The following DGKH variants were observed in gnomAD, a reference collection of about 807,000 sequenced individuals.
The protein encoded by DGKH is diacylglycerol kinase eta, also known as DAG kinase eta.
DGKH carries 90 observed loss-of-function variants against 159.3 expected under a neutral mutation model. The observed-to-expected ratio is 0.57, with a 90% CI of 0.48 to 0.67. DGKH has a LOEUF of 0.67. Among genes scored for constraint, DGKH ranks in the 30% least tolerant of loss-of-function variants. The pLI is 0.00. For missense variants in DGKH, 1,181 were observed against 1,506.1 expected, an observed-to-expected ratio of 0.78 and a Z score of 3.57; for synonymous variants, 536 against 553.8, an observed-to-expected ratio of 0.97 and a Z score of 0.45.
rs552799336 is a variant in DGKH at position 42,079,179 on chromosome 13, G to A, written c.192+30214G>A. 3.3e-5 allele frequency among the ~76,000 whole-genome samples: 5 copies of A among 152,142 alleles called. No homozygotes were observed. The South Asian group carries it at 1.0e-3, about 32-fold the overall frequency. On this transcript the variant is annotated intron_variant, in intron 1 of 29. Transcript: ENST00000337343. ...GATCCACCTGCCTCGGTCTCCCAAA[G>A]TGCTGGGATTACAGGCGTGAGCCAC... is the stretch of plus-strand genomic sequence containing the variant.
At chr13:42,154,241 T>C (rs922069693) in intron 3 of DGKH, among the ~76,000 whole-genome samples, 7 of 152,224 alleles carry the variant, frequency 4.6e-5, no homozygotes, top group African/African-American at 1.7e-4. Flanking sequence ...AAAATTCTTA[T>C]TTGGTATATA....
chr13:42,146,993 T>C (rs2137913385), intron 3 of DGKH, among the ~76,000 whole-genome samples: 1 of 152,240 alleles, frequency 6.6e-6, no homozygotes, highest in East Asian at 1.9e-4. Flanking sequence ...CCTTAGACAC[T>C]GTCAGGATGT....
chr13:42,196,460 C>T (rs1269454412), intron 17 of DGKH, among the ~76,000 whole-genome samples: 1 of 152,116 alleles, frequency 6.6e-6, no homozygotes. Context: ...ATATTATCTA[C>T]CCATTAAAAA....
chr13:42,197,309 G>A (rs1566181517), intron 17 of DGKH, among the ~76,000 whole-genome samples: 1 of 120,850 alleles, frequency 8.3e-6, no homozygotes, highest in Non-Finnish European at 1.9e-5. Flanking sequence ...GGCAGCTGGA[G>A]TGTGGCTCTC....
Position 42,250,595 on chromosome 13 carries a change from C to A in DGKH, n.4055-1814C>A, listed in dbSNP as rs192632021. On this transcript the variant is annotated intron_variant and non_coding_transcript_variant, in intron 29 of 30. Coordinates refer to the DGKH transcript ENST00000498255. ...CAAACTGGGGACTCTTACTACAGTGCAGTCACATTATAAATTAATAACAAA... is the reference window on the plus strand; with the variant it reads ...CAAACTGGGGACTCTTACTACAGTGAAGTCACATTATAAATTAATAACAAA... Among the ~76,000 whole-genome samples, 271 of 152,270 alleles carry A rather than the reference C, an allele frequency of 1.8e-3. 1 individual carries two copies. Among genetic ancestry groups the A allele is most frequent in the African/African-American group, 6.1e-3 (253 of 41,538 alleles).
intron 16 of DGKH, among the ~76,000 whole-genome samples, chr13:42,192,560 TTCC>T (rs989983956): frequency 4.7e-5 from 7 of 147,712 alleles, no homozygotes; most frequent in Non-Finnish European, 1.0e-4. Context: ...TCCTCCTCCC[TTCC>T]TCCTCCTCCT....
intron 1 of DGKH, among the ~76,000 whole-genome samples, chr13:42,059,076 G>A (rs139183785): frequency 3.7e-4 from 56 of 152,208 alleles, no homozygotes; most frequent in African/African-American, 1.3e-3. Context: ...TACCTTGTAA[G>A]GTAGTAATGG....
chr13:42,183,498 A>G (rs1400241446), intron 13 of DGKH, among the ~76,000 whole-genome samples: 1 of 152,174 alleles, frequency 6.6e-6, no homozygotes, highest in Non-Finnish European at 1.5e-5. Context: ...TGTGAATGTT[A>G]TTTATTTATT....
intron 29 of DGKH, among the ~76,000 whole-genome samples, chr13:42,251,964 C>T (rs935616514): frequency 6.6e-6 from 1 of 152,176 alleles, no homozygotes; most frequent in African/African-American, 2.4e-5. Context: ...AAGTTTGGTT[C>T]CTAGCTGGTC....
intron 13 of DGKH, among the ~76,000 whole-genome samples, chr13:42,179,486 A>T (rs1956692681): frequency 6.6e-6 from 1 of 152,218 alleles, no homozygotes. Flanking sequence ...GTAAGATTGT[A>T]TTTGAACCAG....
At chr13:42,169,264 A>G (rs1956386465) in intron 11 of DGKH, among the ~76,000 whole-genome samples, 1 of 152,210 alleles carries the variant, frequency 6.6e-6, no homozygotes, top group African/African-American at 2.4e-5. Flanking sequence ...AAATATACAT[A>G]TTAAGAATGC....
intron 1 of DGKH, among the ~76,000 whole-genome samples, chr13:42,119,189 G>T (rs1014791516): frequency 1.3e-5 from 2 of 152,162 alleles, no homozygotes; most frequent in African/African-American, 4.8e-5. Context: ...GTGGCTGCAG[G>T]CTTCCCGTAT....
At chr13:42,114,559 T>C (rs77620660) in intron 1 of DGKH, among the ~76,000 whole-genome samples, 4 of 152,168 alleles carry the variant, frequency 2.6e-5, no homozygotes, top group African/African-American at 7.2e-5. Context: ...TTGGGGCTTA[T>C]TGAATTTTGA....
At chr13:42,041,029 A>G (rs1488383209) in intron 1 of DGKH, among the ~76,000 whole-genome samples, 1 of 148,650 alleles carries the variant, frequency 6.7e-6, no homozygotes, top group East Asian at 2.0e-4. Flanking sequence ...ATGGCCCGGG[A>G]TGAGGTCCCC....
intron 1 of DGKH, among the ~76,000 whole-genome samples, chr13:42,050,266 G>A (rs1028096760): frequency 5.9e-5 from 9 of 152,174 alleles, no homozygotes; most frequent in Non-Finnish European, 1.2e-4. Context: ...AGCTCCTCGG[G>A]AGGCTGAGGC....
intron 29 of DGKH, 64 bp downstream of exon 29, chr13:42,221,458 G>A: frequency 1.3e-6 from 2 of 1,588,986 alleles, no homozygotes; most frequent in Non-Finnish European, 1.7e-6. Flanking sequence ...TTTCTCCTGT[G>A]CCTCTTCTGA....
intron 13 of DGKH, among the ~76,000 whole-genome samples, chr13:42,183,796 A>G (rs1956836800): frequency 1.3e-5 from 2 of 152,228 alleles, no homozygotes; most frequent in African/African-American, 4.8e-5. Context: ...TAAAAATGTA[A>G]AACAGTTATT....
At chr13:42,256,355 T>G (rs1958657296) in exon 31 of DGKH, 2 of 1,587,622 alleles carry the variant, frequency 1.3e-6, no homozygotes, top group Admixed American at 1.7e-5. Context: ...GATGAATGAG[T>G]CTCAAATGTT....
Position 42,199,805 on chromosome 13 carries a change from A to C in DGKH, c.2397-8A>C, listed in dbSNP as rs761363370. The C allele has an allele frequency of 1.3e-6, 2 of 1,595,624 alleles. No individual in the cohort carries two copies. Among genetic ancestry groups the C allele is most frequent in the Non-Finnish European group, 1.7e-6 (2 of 1,175,146 alleles). On this transcript the variant is annotated splice_region_variant and splice_polypyrimidine_tract_variant and intron_variant, in intron 19 of 29. Coordinates refer to ENST00000337343, the MANE Select transcript of DGKH (RefSeq NM_178009.5). ...TTCCTGAAATTGCCTGCCAATATTT[A>C]TTTTCAGGAGCCGAACTAAAAACTT...
Sources: gnomAD v4.1 joint callset for allele counts (sites outside exome capture counted in the v4.1 genomes callset) on GRCh38, gnomAD v4.1.1 for gene constraint, MANE v1.5 for transcripts, NCBI Gene and HGNC (gene_info 2026-07-23, HGNC 2026-07-21) for gene names.